C9: variants seen among roughly 807,000 people sequenced by gnomAD.
The protein encoded by C9 is complement C9.
In C9, 63 loss-of-function variants were observed where a neutral mutation model predicts 65.4. The observed-to-expected ratio is 0.96, with a 90% CI of 0.79 to 1.19. C9 has a LOEUF of 1.19. Ranked by LOEUF, C9 falls within the 50% of genes most tolerant of loss-of-function variation. C9 has a pLI of 0.00. For synonymous variants in C9, 229 were observed against 227.9 expected (o/e 1.00, Z -0.04); for missense variants, 744 against 670.1 (o/e 1.11, Z -1.22).
chr5:39,288,442 T>G (rs1353965281), intron 10 of C9, among the ~76,000 whole-genome samples: 2 of 151,754 alleles, frequency 1.3e-5, no homozygotes, highest in African/African-American at 4.8e-5. Context: ...TGATGTTTGT[T>G]GTATTTCTGT....
rs1160637803 is a variant in C9 at position 39,331,704 on chromosome 5, G to A, written c.587C>T (p.Pro196Leu). ...ATAGATCAAAGAAGCCACGTTCCAA[G>A]GTCTTCGGTAGTATGTCAGAGTGTT... is the stretch of plus-strand genomic sequence containing the variant. ...DGNTLTYYRR[P>L]WNVASLIYET... The change falls in exon 5 of 11, where the codon CCT becomes CTT. Residue 196 changes from proline (P) to leucine (L), a missense_variant. By Grantham distance (98) the Pro-to-Leu change is moderately conservative. Transcript: ENST00000263408. 3.1e-6 allele frequency: 5 copies of A among 1,613,944 alleles called. No homozygotes were observed. In the Admixed American group the frequency reaches 6.7e-5, roughly 22 times the overall value.
chr5:39,291,905 A>G (rs1023998522), intron 9 of C9, among the ~76,000 whole-genome samples: 6 of 151,834 alleles, frequency 4.0e-5, no homozygotes, highest in Non-Finnish European at 7.4e-5. Context: ...AAGAGATAAA[A>G]GAATTGAAGG....
intron 9 of C9, among the ~76,000 whole-genome samples, chr5:39,303,934 G>C (rs1470936620): frequency 6.6e-6 from 1 of 152,060 alleles, no homozygotes; most frequent in Non-Finnish European, 1.5e-5. Flanking sequence ...CTGAGCTGCT[G>C]GGATAGACTA....
intron 1 of C9, among the ~76,000 whole-genome samples, chr5:39,357,102 C>T (rs1295693857): frequency 6.6e-6 from 1 of 152,204 alleles, no homozygotes; most frequent in East Asian, 1.9e-4. Context: ...GTCCTATTAT[C>T]CTGCCATGAA....
chr5:39,293,023 C>G (rs73078502), intron 9 of C9, among the ~76,000 whole-genome samples: 25 of 151,600 alleles, frequency 1.6e-4, no homozygotes, highest in African/African-American at 6.0e-4. Context: ...AGGGAGAGTG[C>G]TGGAGTTCAG....
At position 39,315,998 on chromosome 5, in the gene C9, T is replaced by C. The variant is rs773484295; in HGVS notation, c.647A>G (p.His216Arg). Residue 216 changes from histidine (H) to arginine (R), a missense_variant, in exon 6 of 11, where the codon CAT becomes CGT. His to Arg is a conservative substitution (Grantham distance 29). Transcript: ENST00000263408. ...TKGEKNFRTE[H>R]YEEQIEAFKS... ...AAATGCTTCAATTTGTTCTTCGTAA[T>C]GTTCGGTTCTGAAATTTTTCTCGCC... is the stretch of plus-strand genomic sequence containing the variant. The C allele has an allele frequency of 4.3e-6, 7 of 1,612,486 alleles. No homozygotes were observed. In the East Asian group the frequency reaches 1.3e-4, roughly 31 times the overall value.
chr5:39,325,744 C>T (rs1167491489), intron 5 of C9, among the ~76,000 whole-genome samples: 1 of 143,826 alleles, frequency 7.0e-6, no homozygotes, highest in Non-Finnish European at 1.5e-5. Context: ...TGCACTCCAG[C>T]CTGGGCAACA....
chr5:39,286,658 GAGA>G (rs912365447), intron 10 of C9, among the ~76,000 whole-genome samples: 1 of 151,970 alleles, frequency 6.6e-6, no homozygotes, highest in Non-Finnish European at 1.5e-5. Flanking sequence ...TCTACATAGA[GAGA>G]AATAGGTAGA....
chr5:39,295,458 A>G (rs1753169426), intron 9 of C9, among the ~76,000 whole-genome samples: 1 of 151,832 alleles, frequency 6.6e-6, no homozygotes, highest in African/African-American at 2.4e-5. Context: ...ACCATTTACA[A>G]TAGCTACAAA....
At position 39,311,316 on chromosome 5, in the gene C9, C is replaced by T. The variant is rs546890218; in HGVS notation, c.932G>A (p.Arg311His). 3.4e-5 allele frequency: 55 copies of T among 1,612,466 alleles called. No homozygotes were observed. The highest frequency in any genetic ancestry group is 4.4e-5 in the South Asian group (4 of 91,044). ...AAAAGTTGTTGTGAGCACAACATCG[C>T]GATTTCTCATTACAAATCTTCCCAG... ...IHLGRFVMRNRDVVLTTTFVD... is the reference protein window; with the variant it reads ...IHLGRFVMRNHDVVLTTTFVD... The change falls in exon 7 of 11, where the codon CGC becomes CAC. Residue 311 changes from arginine (R) to histidine (H), a missense_variant. Arg to His is a conservative substitution (Grantham distance 29). Transcript: ENST00000263408.
intron 5 of C9, among the ~76,000 whole-genome samples, chr5:39,326,226 C>A (rs1214531825): frequency 6.6e-6 from 1 of 152,150 alleles, no homozygotes; most frequent in African/African-American, 2.4e-5. Context: ...AACTAAGTTG[C>A]CTAAATTCAC....
intron 9 of C9, among the ~76,000 whole-genome samples, chr5:39,290,827 C>T (rs1310746231): frequency 1.3e-5 from 2 of 151,792 alleles, no homozygotes; most frequent in Admixed American, 6.6e-5. Flanking sequence ...TCAGATCAAC[C>T]AAGGTAGACA....
intron 7 of C9, among the ~76,000 whole-genome samples, chr5:39,309,805 A>G (rs886414928): frequency 1.3e-5 from 2 of 152,178 alleles, no homozygotes; most frequent in Non-Finnish European, 1.5e-5. Flanking sequence ...CCAGAAGGTA[A>G]GTAGCTTCTG....
intron 9 of C9, among the ~76,000 whole-genome samples, chr5:39,293,771 C>T (rs909064516): frequency 4.0e-5 from 6 of 151,726 alleles, no homozygotes; most frequent in Non-Finnish European, 5.9e-5. Context: ...TTAATCAGTG[C>T]GTGGAACATT....
chr5:39,308,103 T>A, intron 8 of C9, 127 bp downstream of exon 8: 1 of 907,864 alleles, frequency 1.1e-6, no homozygotes, highest in Non-Finnish European at 1.8e-6. Context: ...TGAAAACCGC[T>A]TTAAATGTAA....
chr5:39,307,995 C>G (rs181962962), intron 8 of C9, among the ~76,000 whole-genome samples: 1 of 152,096 alleles, frequency 6.6e-6, no homozygotes, highest in South Asian at 2.1e-4. Flanking sequence ...AAATGACTAC[C>G]GTGTGAATCA....
chr5:39,340,118 T>C (rs1029961812), intron 4 of C9, among the ~76,000 whole-genome samples: 2 of 152,162 alleles, frequency 1.3e-5, no homozygotes, highest in African/African-American at 4.8e-5. Context: ...TCTTACATGA[T>C]GCCAATTGAC....
intron 9 of C9, among the ~76,000 whole-genome samples, chr5:39,305,981 C>T (rs897153797): frequency 6.6e-6 from 1 of 151,688 alleles, no homozygotes; most frequent in African/African-American, 2.4e-5. Context: ...GCCAACATGG[C>T]GAAACCCTGT....
intron 4 of C9, among the ~76,000 whole-genome samples, chr5:39,334,731 C>T (rs557434431): frequency 0.016 from 2,228 of 141,890 alleles, 23 homozygotes; most frequent in South Asian, 0.03. Flanking sequence ...CCACCCCGTC[C>T]GGGAGGTGAG....
Sources: allele counts gnomAD v4.1 joint callset (sites outside exome capture counted in the v4.1 genomes callset), GRCh38; gene constraint gnomAD v4.1.1; transcripts MANE v1.5; gene names NCBI Gene and HGNC (gene_info 2026-07-23, HGNC 2026-07-21).